Variants in MRPL48 observed in about 807,000 individuals in gnomAD.
MRPL48 encodes the protein mitochondrial ribosomal protein L48.
In MRPL48, 16 loss-of-function variants were observed where a neutral mutation model predicts 32.9. The observed-to-expected ratio is 0.49, with a 90% confidence interval of 0.33 to 0.74. MRPL48 has a LOEUF of 0.74. MRPL48 is among the 30% of genes least tolerant of loss of function. The pLI is 0.02. For synonymous variants in MRPL48, 94 were observed against 89.2 expected, an observed-to-expected ratio of 1.05 and a Z score of -0.31; for missense variants, 206 against 245.3, an observed-to-expected ratio of 0.84 and a Z score of 1.07.
At chr11:73,790,715 T>TG (rs1353987999) in intron 1 of MRPL48, among the ~76,000 whole-genome samples, 2 of 151,462 alleles carry the variant, frequency 1.3e-5, no homozygotes. Context: ...TTAGTAGAGA[T>TG]GGGGTCTTGC....
chr11:73,845,058 C>T (rs1393295768), intron 5 of MRPL48, 82 bp downstream of exon 5: 1 of 1,349,320 alleles, frequency 7.4e-7, no homozygotes. Context: ...TTTTGAGATA[C>T]AGTTTACATG....
intron 1 of MRPL48, among the ~76,000 whole-genome samples, chr11:73,799,778 T>C (rs1483710562): frequency 6.6e-6 from 1 of 152,136 alleles, no homozygotes; most frequent in African/African-American, 2.4e-5. Flanking sequence ...CCTAAATCTA[T>C]ATAAAAGAAA....
At chr11:73,842,330 A>G (rs527734064) in intron 4 of MRPL48, 1 of 152,272 alleles carries the variant, frequency 6.6e-6, no homozygotes, top group East Asian at 1.9e-4. Flanking sequence ...ACACACATGC[A>G]CACACACACA....
At chr11:73,851,029 A>C in intron 5 of MRPL48, 1 of 483,610 alleles carries the variant, frequency 2.1e-6, no homozygotes, top group Non-Finnish European at 4.1e-6. Context: ...CTGCCATCAA[A>C]GACCCATAAA....
Position 73,864,529 on chromosome 11 carries a change from C to T in MRPL48, c.*159C>T. 1 of 658,340 alleles carries T rather than the reference C, an allele frequency of 1.5e-6. No homozygotes were observed. Among genetic ancestry groups the T allele is most frequent in the Non-Finnish European group, 2.6e-6 (1 of 380,876 alleles). 40.8% of individuals were successfully genotyped at this position (658,340 alleles called of 1,614,324 possible). On this transcript the variant is annotated 3_prime_UTR_variant, in exon 8 of 8. Coordinates refer to ENST00000310614, the MANE Select transcript of MRPL48 (RefSeq NM_016055.6). Reference sequence around the variant, plus strand: ...CTCACTCCTCTGTGGCTTGGCTGTACTTGCCATTTCTTACCACTTACCTAT... The same window carrying T: ...CTCACTCCTCTGTGGCTTGGCTGTATTTGCCATTTCTTACCACTTACCTAT...
At chr11:73,812,579 T>G (rs2134979365) in intron 3 of MRPL48, among the ~76,000 whole-genome samples, 1 of 152,034 alleles carries the variant, frequency 6.6e-6, no homozygotes, top group East Asian at 1.9e-4. Flanking sequence ...CATGAACTTG[T>G]AGTCCCAGCT....
At chr11:73,835,823 T>C (rs1006314874) in intron 4 of MRPL48, among the ~76,000 whole-genome samples, 4 of 152,110 alleles carry the variant, frequency 2.6e-5, no homozygotes, top group African/African-American at 9.7e-5. Context: ...GCTTCAACTC[T>C]GGAGGTGAAG....
At chr11:73,794,184 G>GTATCTATCTGTC (rs1555075363) in intron 1 of MRPL48, among the ~76,000 whole-genome samples, 3 of 139,178 alleles carry the variant, frequency 2.2e-5, no homozygotes, top group Non-Finnish European at 4.7e-5. Flanking sequence ...GTGAGACCCT[G>GTATCTATCTGTC]TATCTATCTA....
chr11:73,854,511 T>C (rs1274289019), intron 5 of MRPL48, among the ~76,000 whole-genome samples: 1 of 152,130 alleles, frequency 6.6e-6, no homozygotes, highest in Non-Finnish European at 1.5e-5. Flanking sequence ...GGTCTCAAGC[T>C]CCTGACCTCA....
At chr11:73,833,157 C>A (rs12284670) in intron 4 of MRPL48, among the ~76,000 whole-genome samples, 12,024 of 151,634 alleles carry the variant, frequency 0.079, 608 homozygotes, top group East Asian at 0.18. Context: ...TAAATGCCAC[C>A]TGTATTCTTG....
chr11:73,848,572 T>G (rs1196329534), intron 5 of MRPL48, among the ~76,000 whole-genome samples: 1 of 152,040 alleles, frequency 6.6e-6, no homozygotes, highest in African/African-American at 2.4e-5. Context: ...TTGAGTCTTC[T>G]GATTCATTAA....
Position 73,813,303 on chromosome 11 carries a change from T to C in MRPL48, c.112+4953T>C, listed in dbSNP as rs777965575. The stretch of plus-strand genomic sequence containing the variant: ...TCTCCTGCCTCGGCCTCCTGAGTAG[T>C]TGGGACTACAGGAATGTGCCACCAC... On this transcript the variant is annotated intron_variant, in intron 3 of 7. Transcript: ENST00000310614. Among the ~76,000 whole-genome samples the C allele has an allele frequency of 5.9e-5, 9 of 151,752 alleles. No homozygotes were observed. The South Asian group carries it at 1.7e-3, about 28-fold the overall frequency.
chr11:73,818,385 A>G (rs896275892), intron 3 of MRPL48, among the ~76,000 whole-genome samples: 3 of 152,222 alleles, frequency 2.0e-5, no homozygotes, highest in Non-Finnish European at 2.9e-5. Flanking sequence ...TTACAGCATG[A>G]ATAAAAAGGT....
At chr11:73,863,080 C>T in intron 6 of MRPL48, 92 bp from the exon 7 acceptor site, 1 of 1,121,122 alleles carries the variant, frequency 8.9e-7, no homozygotes, top group Non-Finnish European at 1.3e-6. Context: ...CCAGACTCTA[C>T]TGGAGCTGGC....
chr11:73,837,240 AT>A (rs1203213265), intron 4 of MRPL48, among the ~76,000 whole-genome samples: 1 of 152,196 alleles, frequency 6.6e-6, no homozygotes, highest in Non-Finnish European at 1.5e-5. Flanking sequence ...GGTAGATACT[AT>A]CACTTTAAAG....
At position 73,808,327 on chromosome 11, in the gene MRPL48, G is replaced by C; in HGVS notation, c.89G>C (p.Gly30Ala). Residue 30 changes from glycine (G) to alanine (A), a missense_variant, in exon 3 of 8, where the codon GGA becomes GCA. Gly to Ala is a moderately conservative substitution (Grantham distance 60, BLOSUM62 0). Transcript: ENST00000310614. The part of the protein sequence containing the change: ...AFSLLRFRTS[G>A]EKPIYSVGGI... Reference sequence around the variant, plus strand: ...CCTCCTTTTAGGTTTAGAACTTCAGGAGAGAAGCCCATCTATTCTGTAGGT... The same window carrying C: ...CCTCCTTTTAGGTTTAGAACTTCAGCAGAGAAGCCCATCTATTCTGTAGGT... 6.2e-7 allele frequency: 1 copy of C among 1,608,600 alleles called. No homozygotes were observed. Among genetic ancestry groups the C allele is most frequent in the Non-Finnish European group, 8.5e-7 (1 of 1,176,944 alleles).
Position 73,860,018 on chromosome 11 carries a change from T to G in MRPL48, c.474+9T>G, listed in dbSNP as rs1948556515. 1.9e-6 allele frequency: 3 copies of G among 1,605,002 alleles called. No homozygotes were observed. Among genetic ancestry groups the G allele is most frequent in the Non-Finnish European group, 2.6e-6 (3 of 1,174,720 alleles). ...ATGAGCGAGTGGTTCAGGTAGGCAC[T>G]CCAGGAGAATAAAAAATGTATTTGC... On this transcript the variant is annotated intron_variant, in intron 6 of 7. Transcript: ENST00000310614.
intron 3 of MRPL48, among the ~76,000 whole-genome samples, chr11:73,823,571 A>G (rs1044490978): frequency 1.3e-5 from 2 of 152,068 alleles, no homozygotes; most frequent in East Asian, 1.9e-4. Flanking sequence ...ACTAGGTTAT[A>G]ACACTTGATT....
intron 3 of MRPL48, among the ~76,000 whole-genome samples, chr11:73,814,374 A>G (rs1200775978): frequency 1.3e-5 from 2 of 151,670 alleles, no homozygotes; most frequent in Non-Finnish European, 2.9e-5. Flanking sequence ...CCTGGAAGAC[A>G]GCACGAGATC....
Sources: allele counts gnomAD v4.1 joint callset (sites outside exome capture counted in the v4.1 genomes callset), GRCh38; gene constraint gnomAD v4.1.1; transcripts MANE v1.5; gene names NCBI Gene and HGNC (gene_info 2026-07-23, HGNC 2026-07-21).